Variants in GRID1 observed in about 807,000 individuals in gnomAD.
GRID1 encodes the protein glutamate receptor ionotropic, delta-1.
Under a neutral mutation model 98.0 loss-of-function variants are expected in GRID1, and 28 were observed. The observed-to-expected ratio is 0.29, with a 90% confidence interval of 0.21 to 0.39. The LOEUF (loss-of-function observed/expected upper bound fraction) is 0.39, where lower values mean the gene tolerates loss of function less well. Among genes scored for constraint, GRID1 ranks in the 10% least tolerant of loss-of-function variants. The pLI is 1.00. For missense variants in GRID1, 1,111 were observed against 1,340.5 expected, an observed-to-expected ratio of 0.83 and a Z score of 2.67; for synonymous variants, 553 against 538.5, an observed-to-expected ratio of 1.03 and a Z score of -0.37.
chr10:86,258,295 G>A (rs892694523), intron 2 of GRID1, among the ~76,000 whole-genome samples: 4 of 152,146 alleles, frequency 2.6e-5, no homozygotes, highest in African/African-American at 7.2e-5. Flanking sequence ...ATTAATATCT[G>A]TATGATTCTA....
intron 12 of GRID1, among the ~76,000 whole-genome samples, chr10:85,666,706 C>T (rs1287058387): frequency 6.6e-6 from 1 of 152,202 alleles, no homozygotes; most frequent in Non-Finnish European, 1.5e-5. Flanking sequence ...TCATCCCGAG[C>T]TTCCCCACTG....
intron 2 of GRID1, among the ~76,000 whole-genome samples, chr10:86,253,884 A>G (rs1846874404): frequency 1.3e-5 from 2 of 152,102 alleles, no homozygotes; most frequent in Non-Finnish European, 2.9e-5. Context: ...TGACAAAGCC[A>G]TACCTTCCCT....
At chr10:86,009,559 A>G (rs1842902339) in intron 4 of GRID1, among the ~76,000 whole-genome samples, 1 of 152,216 alleles carries the variant, frequency 6.6e-6, no homozygotes, top group Admixed American at 6.5e-5. Context: ...TCGGGAGTTT[A>G]TTGGACAAAT....
intron 2 of GRID1, among the ~76,000 whole-genome samples, chr10:86,223,115 C>T (rs527401694): frequency 6.6e-6 from 1 of 152,310 alleles, no homozygotes; most frequent in South Asian, 2.1e-4. Flanking sequence ...CTGAGAATCC[C>T]CCCAAAATAC....
chr10:86,226,723 T>G (rs1846356661), intron 2 of GRID1, among the ~76,000 whole-genome samples: 1 of 145,306 alleles, frequency 6.9e-6, no homozygotes, highest in Non-Finnish European at 1.5e-5. Context: ...GTGCCCCAAG[T>G]CCCAGCCCGG....
chr10:86,187,319 C>A (rs558244470), intron 3 of GRID1, among the ~76,000 whole-genome samples: 16 of 152,252 alleles, frequency 1.1e-4, no homozygotes, highest in Admixed American at 2.0e-4. Flanking sequence ...GCTCTCTATA[C>A]CTTACAAGAA....
chr10:85,602,994 C>T (rs187468638), intron 15 of GRID1, among the ~76,000 whole-genome samples: 6 of 152,332 alleles, frequency 3.9e-5, no homozygotes, highest in Admixed American at 3.9e-4. Flanking sequence ...ATACCCAGAA[C>T]CAACCCTTAG....
intron 12 of GRID1, among the ~76,000 whole-genome samples, chr10:85,699,413 G>A (rs1841428469): frequency 6.6e-6 from 1 of 152,110 alleles, no homozygotes; most frequent in Admixed American, 6.5e-5. Flanking sequence ...TATCTTACAT[G>A]TGTTTTGCAA....
At chr10:86,097,172 T>A (rs1844232964) in intron 4 of GRID1, among the ~76,000 whole-genome samples, 1 of 152,170 alleles carries the variant, frequency 6.6e-6, no homozygotes, top group South Asian at 2.1e-4. Context: ...ACTACCAGCA[T>A]CCCAATGTCT....
intron 12 of GRID1, among the ~76,000 whole-genome samples, chr10:85,680,116 C>T (rs1210645267): frequency 1.3e-5 from 2 of 152,178 alleles, no homozygotes; most frequent in African/African-American, 4.8e-5. Flanking sequence ...CTGCAAAATA[C>T]TGAAGGGTAA....
chr10:85,611,513 T>C (rs1012047172), intron 15 of GRID1, among the ~76,000 whole-genome samples: 1 of 152,216 alleles, frequency 6.6e-6, no homozygotes, highest in Non-Finnish European at 1.5e-5. Context: ...AAGGGGCCTT[T>C]GCACAGAGGA....
At chr10:86,331,733 G>A (rs1848145331) in intron 2 of GRID1, among the ~76,000 whole-genome samples, 1 of 152,192 alleles carries the variant, frequency 6.6e-6, no homozygotes, top group East Asian at 1.9e-4. Context: ...GGTACCAAGT[G>A]TCTGAGTTTC....
intron 2 of GRID1, among the ~76,000 whole-genome samples, chr10:86,301,965 T>C (rs1230473157): frequency 2.0e-5 from 3 of 152,230 alleles, no homozygotes; most frequent in Non-Finnish European, 4.4e-5. Context: ...AAAAATGGGC[T>C]CAGACACAGC....
At chr10:85,914,546 C>T (rs1222615650) in intron 5 of GRID1, among the ~76,000 whole-genome samples, 6 of 152,158 alleles carry the variant, frequency 3.9e-5, no homozygotes, top group Non-Finnish European at 2.9e-5. Context: ...CTGCACCCCA[C>T]GGTAAATGGA....
At chr10:85,997,643 AG>A (rs1564646007) in intron 4 of GRID1, among the ~76,000 whole-genome samples, 1 of 152,210 alleles carries the variant, frequency 6.6e-6, no homozygotes, top group African/African-American at 2.4e-5. Context: ...ATAACCCAAA[AG>A]AAGGCAGAAA....
At chr10:86,066,154 T>C (rs1052969950) in intron 4 of GRID1, among the ~76,000 whole-genome samples, 4 of 152,090 alleles carry the variant, frequency 2.6e-5, no homozygotes, top group Non-Finnish European at 4.4e-5. Flanking sequence ...GAGGCTGAGT[T>C]GACTGAAATG....
At position 86,321,079 on chromosome 10, in the gene GRID1, G is replaced by A. The variant is rs1411375356; in HGVS notation, c.235+42862C>T. On this transcript the variant is annotated intron_variant, in intron 2 of 15. Transcript: ENST00000327946. ...CGCGCCACTGCACTCCAGCCTGGGCGACAGAGTGAGACTCCATCTCAAAAA... is the reference window on the plus strand; with the variant it reads ...CGCGCCACTGCACTCCAGCCTGGGCAACAGAGTGAGACTCCATCTCAAAAA... Among the ~76,000 whole-genome samples, 41 of 140,606 alleles carry A rather than the reference G, an allele frequency of 2.9e-4. 1 individual carries two copies. Among genetic ancestry groups the A allele is most frequent in the South Asian group, 2.7e-3 (12 of 4,418 alleles). The allele number at this position is 140,606 out of a possible 152,430, so 92.2% of individuals were successfully genotyped here.
chr10:85,772,371 G>T lies in GRID1; in HGVS notation c.1234-42757C>A, dbSNP rs573856665. 3.1e-3 allele frequency among the ~76,000 whole-genome samples: 464 copies of T among 151,600 alleles called. 5 individuals are homozygous for T. Among genetic ancestry groups the T allele is most frequent in the African/African-American group, 0.011 (444 of 41,052 alleles). ...ACTAAATGCCCACAAGAGAAAGCAGGAAAGATCCAAAATTGACACCCTAAT... is the reference window on the plus strand; with the variant it reads ...ACTAAATGCCCACAAGAGAAAGCAGTAAAGATCCAAAATTGACACCCTAAT... On this transcript the variant is annotated intron_variant, in intron 8 of 15. Transcript: ENST00000327946.
At chr10:86,300,087 A>G (rs1483531140) in intron 2 of GRID1, among the ~76,000 whole-genome samples, 2 of 152,110 alleles carry the variant, frequency 1.3e-5, no homozygotes, top group African/African-American at 4.8e-5. Flanking sequence ...GTGTCCTCAT[A>G]TGACGAGGAG....
Sources: gnomAD v4.1 joint callset for allele counts (sites outside exome capture counted in the v4.1 genomes callset) on GRCh38, gnomAD v4.1.1 for gene constraint, MANE v1.5 for transcripts, NCBI Gene and HGNC (gene_info 2026-07-23, HGNC 2026-07-21) for gene names.